CHD6: variants seen among roughly 807,000 people sequenced by gnomAD.
CHD6 encodes chromodomain helicase DNA binding protein 6.
Under a neutral mutation model 276.9 loss-of-function variants are expected in CHD6, and 50 were observed. That is an observed-to-expected ratio of 0.18 (90% CI 0.14 to 0.23). The LOEUF (loss-of-function observed/expected upper bound fraction) is 0.23, where lower values mean the gene tolerates loss of function less well. Ranked by LOEUF, CHD6 falls within the 10% of genes least tolerant of loss-of-function variation. CHD6 has a pLI of 1.00. For missense variants in CHD6, 2,564 were observed against 3,365.8 expected, an observed-to-expected ratio of 0.76 and a Z score of 5.89; for synonymous variants, 1,173 against 1,229.3, an observed-to-expected ratio of 0.95 and a Z score of 0.96.
At chr20:41,539,926 A>C (rs1221724299) in intron 2 of CHD6, among the ~76,000 whole-genome samples, 1 of 152,248 alleles carries the variant, frequency 6.6e-6, no homozygotes, top group Non-Finnish European at 1.5e-5. Flanking sequence ...AAGCAAAAAA[A>C]GAAAACCTAT....
At chr20:41,593,339 G>A (rs2045683821) in intron 1 of CHD6, among the ~76,000 whole-genome samples, 1 of 152,004 alleles carries the variant, frequency 6.6e-6, no homozygotes, top group Non-Finnish European at 1.5e-5. Flanking sequence ...TTACTTCTTA[G>A]TCTCTATTTT....
chr20:41,510,050 G>GC (rs1378244966), intron 5 of CHD6, among the ~76,000 whole-genome samples: 1 of 152,174 alleles, frequency 6.6e-6, no homozygotes, highest in East Asian at 1.9e-4. Context: ...TGCAGAGATG[G>GC]CAGTGGGGCC....
intron 17 of CHD6, among the ~76,000 whole-genome samples, chr20:41,468,353 GC>G (rs1399127686): frequency 6.6e-6 from 1 of 151,982 alleles, no homozygotes; most frequent in Non-Finnish European, 1.5e-5. Context: ...CAGGTGATCT[GC>G]CCGCCTCGGC....
intron 1 of CHD6, among the ~76,000 whole-genome samples, chr20:41,616,968 TTCCCCA>T (rs2045939604): frequency 1.3e-5 from 2 of 152,174 alleles, no homozygotes; most frequent in African/African-American, 4.8e-5. Context: ...CCGGTGTTTT[TTCCCCA>T]AACGCCACAA....
rs1161660754 is a variant in CHD6, at chr20:41,452,652, G to C, written c.3323+88C>G. On this transcript the variant is annotated intron_variant, in intron 21 of 36. Coordinates refer to ENST00000373233, the MANE Select transcript of CHD6 (RefSeq NM_032221.5). This position sits in a 1 kb window ranked among gnomAD's most constrained non-coding sequence, Gnocchi z 4.2. ...TGCCCTATAATTCCAAAGGTGACTG[G>C]AGAGACATCCTAGACAAATCTCAGG... 1 of 1,187,358 alleles carries C rather than the reference G, an allele frequency of 8.4e-7. No individual in the cohort carries two copies. The highest frequency in any genetic ancestry group is 1.2e-6 in the Non-Finnish European group (1 of 824,458). 73.6% of individuals were successfully genotyped at this position (1,187,358 alleles called of 1,614,324 possible). A position where few individuals can be genotyped will look rare whatever the true frequency, so the allele number is the denominator to read the frequency against.
chr20:41,409,235 C>T (rs1252686141), intron 36 of CHD6, among the ~76,000 whole-genome samples: 1 of 152,172 alleles, frequency 6.6e-6, no homozygotes, highest in Non-Finnish European at 1.5e-5. Context: ...CCACTCCAGT[C>T]AGGTGCCCCT....
chr20:41,586,357 C>T (rs544745313), intron 1 of CHD6, among the ~76,000 whole-genome samples: 152 of 152,350 alleles, frequency 1.0e-3, no homozygotes, highest in African/African-American at 3.6e-3. Context: ...CACTCCTGAT[C>T]GGGCTAGAGG....
intron 1 of CHD6, among the ~76,000 whole-genome samples, chr20:41,555,000 G>A (rs1465986181): frequency 1.4e-4 from 21 of 148,518 alleles, no homozygotes; most frequent in African/African-American, 3.0e-4. Context: ...GCGGCTGGCC[G>A]GGCGGGGGGC....
intron 26 of CHD6, among the ~76,000 whole-genome samples, chr20:41,438,189 C>T (rs2047777232): frequency 6.6e-6 from 1 of 152,190 alleles, no homozygotes; most frequent in Admixed American, 6.5e-5. Flanking sequence ...AGGACATTTT[C>T]CCCTTGTTAC....
rs1167623945 is a variant in CHD6, at chr20:41,445,717, G to C, written c.3825C>G (p.Asp1275Glu). 1.2e-6 allele frequency: 2 copies of C among 1,613,908 alleles called. No homozygotes were observed. Among genetic ancestry groups the C allele is most frequent in the Non-Finnish European group, 8.5e-7 (1 of 1,179,842 alleles). Reference sequence around the variant, plus strand: ...ACTTATCGGCTTCAGCATCCCACCAGTCCACTGGGATCTCCATGTAGTCGA... The same window carrying C: ...ACTTATCGGCTTCAGCATCCCACCACTCCACTGGGATCTCCATGTAGTCGA... ...PDIDYMEIPVDWWDAEADKSL... is the reference protein window; with the variant it reads ...PDIDYMEIPVEWWDAEADKSL... Residue 1275 changes from aspartate (D) to glutamate (E), a missense_variant, in exon 25 of 37, where the codon GAC (aspartate) becomes GAG (glutamate). By Grantham distance (45) the Asp-to-Glu change is conservative. This residue lies in a region of CHD6 where 515 missense variants were observed against 739.5 expected (regional missense o/e 0.70). Coordinates refer to ENST00000373233, the MANE Select transcript of CHD6 (RefSeq NM_032221.5).
At chr20:41,572,999 T>C (rs1454461816) in intron 1 of CHD6, among the ~76,000 whole-genome samples, 4 of 151,988 alleles carry the variant, frequency 2.6e-5, no homozygotes, top group Admixed American at 2.0e-4. Flanking sequence ...AAGCTCTGCC[T>C]CACGGGTTCA....
chr20:41,591,405 C>T (rs575586441), intron 1 of CHD6, among the ~76,000 whole-genome samples: 256 of 124,980 alleles, frequency 2.0e-3, no homozygotes, highest in African/African-American at 7.8e-3. Context: ...CACACACACA[C>T]ACATATATAT....
At chr20:41,563,518 A>G (rs1289137379) in intron 1 of CHD6, among the ~76,000 whole-genome samples, 1 of 152,200 alleles carries the variant, frequency 6.6e-6, no homozygotes, top group Non-Finnish European at 1.5e-5. Context: ...AAACTCTTTG[A>G]TTTCAGTGAT....
chr20:41,523,803 G>A (rs765934711), intron 3 of CHD6, among the ~76,000 whole-genome samples: 77 of 152,090 alleles, frequency 5.1e-4, no homozygotes, highest in Non-Finnish European at 9.0e-4. Flanking sequence ...ATCTGAGTAC[G>A]AGGAAAGATA....
chr20:41,538,241 C>T (rs2044873679), intron 2 of CHD6, among the ~76,000 whole-genome samples: 2 of 152,154 alleles, frequency 1.3e-5, no homozygotes, highest in South Asian at 4.1e-4. Context: ...ATCCCAGCTA[C>T]TTGGGAGGCT....
Position 41,498,233 on chromosome 20 carries a change from C to T in CHD6, c.916-7G>A, listed in dbSNP as rs768981282. 1.6e-5 allele frequency: 25 copies of T among 1,608,574 alleles called. No individual in the cohort carries two copies. In the East Asian group the frequency reaches 5.6e-4, roughly 36 times the overall value. ...GAGGTTCTCCTGGGTGAACCTGTAA[C>T]AAACAGCAAGCAGTTATCAGCCCAG... On this transcript the variant is annotated splice_polypyrimidine_tract_variant and splice_region_variant and intron_variant, in intron 6 of 36. Coordinates refer to ENST00000373233, the MANE Select transcript of CHD6 (RefSeq NM_032221.5).
chr20:41,443,146 T>C (rs1478848074), intron 25 of CHD6, among the ~76,000 whole-genome samples: 1 of 152,222 alleles, frequency 6.6e-6, no homozygotes, highest in Non-Finnish European at 1.5e-5. Context: ...AATTGAGTGA[T>C]GAAGTGTCAT....
intron 1 of CHD6, among the ~76,000 whole-genome samples, chr20:41,602,418 G>T (rs1420429183): frequency 6.6e-6 from 1 of 152,112 alleles, no homozygotes; most frequent in African/African-American, 2.4e-5. Flanking sequence ...TTTACCTGTG[G>T]GCTTACCCCA....
Position 41,484,675 on chromosome 20 carries a change from C to A in CHD6, c.2002-68G>T, listed in dbSNP as rs149868072. 3.4e-4 allele frequency: 515 copies of A among 1,516,402 alleles called. 7 individuals carry two copies. The East Asian group carries it at 9.3e-3, about 27-fold the overall frequency. 93.9% of individuals were successfully genotyped at this position (1,516,402 alleles called of 1,614,324 possible). On this transcript the variant is annotated intron_variant, in intron 14 of 36. Transcript: ENST00000373233. ...GTTAACGATTACTGGGGTATTCCAA[C>A]CTTCACTCTAATTTCTTGAACATTT...
Sources: gnomAD v4.1 joint callset for allele counts (sites outside exome capture counted in the v4.1 genomes callset) on GRCh38, gnomAD v4.1.1 for gene constraint, gnomAD v4.1.1 regional missense constraint, Gnocchi (gnomAD v3.1) non-coding constraint, MANE v1.5 for transcripts, NCBI Gene and HGNC (gene_info 2026-07-23, HGNC 2026-07-21) for gene names.